Variants in TSHZ2 observed in about 807,000 individuals in gnomAD.
TSHZ2 encodes teashirt homolog 2.
In TSHZ2, 21 loss-of-function variants were observed where a neutral mutation model predicts 74.4. That is an observed-to-expected ratio of 0.28 (90% confidence interval 0.20 to 0.41). TSHZ2 has a LOEUF of 0.41. Ranked by LOEUF, TSHZ2 falls within the 10% of genes least tolerant of loss-of-function variation. TSHZ2 has a pLI of 1.00. For missense variants in TSHZ2, 1,244 were observed against 1,293.5 expected (o/e 0.96, Z 0.59); for synonymous variants, 540 against 515.3 (o/e 1.05, Z -0.65).
chr20:53,025,269 G>A (rs1983397147), intron 1 of TSHZ2, among the ~76,000 whole-genome samples: 2 of 151,982 alleles, frequency 1.3e-5, no homozygotes, highest in South Asian at 4.1e-4. Flanking sequence ...TATAGTAAGA[G>A]CAAACATTTA....
At chr20:53,061,824 G>T (rs1040826797) in intron 1 of TSHZ2, among the ~76,000 whole-genome samples, 1 of 152,096 alleles carries the variant, frequency 6.6e-6, no homozygotes, top group Non-Finnish European at 1.5e-5. Flanking sequence ...TAAAATCAAC[G>T]AATGTGCTTC....
At chr20:52,987,423 A>T (rs1245085917) in intron 1 of TSHZ2, among the ~76,000 whole-genome samples, 1 of 152,090 alleles carries the variant, frequency 6.6e-6, no homozygotes, top group Non-Finnish European at 1.5e-5. Context: ...CATAAAATTT[A>T]TATAAGTTCC....
At chr20:53,183,592 CA>C (rs1053447107) in intron 1 of TSHZ2, among the ~76,000 whole-genome samples, 26 of 152,150 alleles carry the variant, frequency 1.7e-4, no homozygotes, top group African/African-American at 5.8e-4. Flanking sequence ...CACAACCACA[CA>C]CACACATATA....
intron 2 of TSHZ2, among the ~76,000 whole-genome samples, chr20:53,382,028 C>T (rs1396043567): frequency 6.6e-6 from 1 of 152,210 alleles, no homozygotes; most frequent in Non-Finnish European, 1.5e-5. Context: ...CAGGCTGGCT[C>T]ACACCCTCCT....
At chr20:53,050,046 A>C (rs530555851) in intron 1 of TSHZ2, among the ~76,000 whole-genome samples, 1 of 147,432 alleles carries the variant, frequency 6.8e-6, no homozygotes, top group Non-Finnish European at 1.5e-5. Context: ...GTGCCACTGC[A>C]CTCTAGCCTG....
At chr20:53,415,068 G>T (rs1048942623) in intron 2 of TSHZ2, among the ~76,000 whole-genome samples, 1 of 152,260 alleles carries the variant, frequency 6.6e-6, no homozygotes, top group South Asian at 2.1e-4. Context: ...TACAAAGGTG[G>T]CAGCGAATCA....
At chr20:53,192,292 T>TAAA (rs58001328) in intron 1 of TSHZ2, among the ~76,000 whole-genome samples, 4 of 136,996 alleles carry the variant, frequency 2.9e-5, no homozygotes, top group Non-Finnish European at 4.7e-5. Context: ...CTTCTCTGGC[T>TAAA]AAAAAAAAAA....
chr20:53,369,465 G>A (rs180728769), intron 2 of TSHZ2, among the ~76,000 whole-genome samples: 29 of 152,198 alleles, frequency 1.9e-4, no homozygotes, highest in Non-Finnish European at 3.2e-4. Flanking sequence ...TCAGCACCTC[G>A]GGAGGCCAAA....
At chr20:53,090,183 G>A (rs1168429072) in intron 1 of TSHZ2, among the ~76,000 whole-genome samples, 6 of 151,984 alleles carry the variant, frequency 3.9e-5, no homozygotes, top group Non-Finnish European at 8.8e-5. Flanking sequence ...CAGCAAATCT[G>A]CTCTTTCCAT....
At chr20:53,332,642 A>T (rs1979771365) in intron 2 of TSHZ2, among the ~76,000 whole-genome samples, 1 of 152,162 alleles carries the variant, frequency 6.6e-6, no homozygotes, top group Non-Finnish European at 1.5e-5. Flanking sequence ...ACGAGGCGAA[A>T]CTGGAGATGT....
chr20:53,294,840 T>A (rs1368635115), intron 2 of TSHZ2, among the ~76,000 whole-genome samples: 2 of 152,180 alleles, frequency 1.3e-5, no homozygotes, highest in Non-Finnish European at 2.9e-5. Context: ...AGTTTCCCTT[T>A]GAAAAGCAGG....
chr20:53,126,814 AG>A (rs1387846879), intron 1 of TSHZ2, among the ~76,000 whole-genome samples: 1 of 151,526 alleles, frequency 6.6e-6, no homozygotes, highest in Non-Finnish European at 1.5e-5. Flanking sequence ...GATCTGAACA[AG>A]GCTTTCCGGA....
At chr20:53,177,199 G>T (rs1467936668) in intron 1 of TSHZ2, among the ~76,000 whole-genome samples, 1 of 152,096 alleles carries the variant, frequency 6.6e-6, no homozygotes, top group Non-Finnish European at 1.5e-5. Flanking sequence ...ATGCATCTTT[G>T]TAACCTACCT....
At chr20:53,015,020 C>T (rs1982984631) in intron 1 of TSHZ2, among the ~76,000 whole-genome samples, 1 of 152,150 alleles carries the variant, frequency 6.6e-6, no homozygotes, top group African/African-American at 2.4e-5. Context: ...AGCGCCATTC[C>T]CTTGTTGCCC....
At chr20:53,290,848 A>C (rs1225990800) in intron 2 of TSHZ2, among the ~76,000 whole-genome samples, 4 of 152,208 alleles carry the variant, frequency 2.6e-5, no homozygotes, top group African/African-American at 4.8e-5. Context: ...AATCCAGCCT[A>C]CCACCTGTTT....
intron 1 of TSHZ2, among the ~76,000 whole-genome samples, chr20:53,051,912 A>T (rs994153961): frequency 6.6e-6 from 1 of 152,240 alleles, no homozygotes; most frequent in Non-Finnish European, 1.5e-5. Context: ...AAACCGAGGC[A>T]GCTGTTGCTT....
chr20:53,170,758 G>A (rs953807582), intron 1 of TSHZ2, among the ~76,000 whole-genome samples: 3 of 152,080 alleles, frequency 2.0e-5, no homozygotes, highest in African/African-American at 7.2e-5. Flanking sequence ...TATAATGAAA[G>A]GGCATTGGTT....
intron 1 of TSHZ2, among the ~76,000 whole-genome samples, chr20:53,218,118 G>C (rs1989476835): frequency 6.6e-6 from 1 of 152,188 alleles, no homozygotes; most frequent in African/African-American, 2.4e-5. Flanking sequence ...TCTCAAGTCT[G>C]GTTCTTTCAA....
At chr20:53,125,161 G>A (rs1293214115) in intron 1 of TSHZ2, among the ~76,000 whole-genome samples, 1 of 152,210 alleles carries the variant, frequency 6.6e-6, no homozygotes, top group Non-Finnish European at 1.5e-5. Context: ...GGGTGATTTT[G>A]AGGATTAAAT....
Sources: allele counts gnomAD v4.1 joint callset (sites outside exome capture counted in the v4.1 genomes callset), GRCh38; gene constraint gnomAD v4.1.1; transcripts MANE v1.5; gene names NCBI Gene and HGNC (gene_info 2026-07-23, HGNC 2026-07-21).